Variants in TMIGD3 observed in about 807,000 individuals in gnomAD.
The protein encoded by TMIGD3 is AD026 protein (AD026).
Under a neutral mutation model 28.1 loss-of-function variants are expected in TMIGD3, and 21 were observed. That is an observed-to-expected ratio of 0.75 (90% CI 0.53 to 1.08). TMIGD3 has a LOEUF of 1.08. Ranked by LOEUF, TMIGD3 falls within the 50% of genes least tolerant of loss-of-function variation. The pLI is 0.00. For missense variants in TMIGD3, 416 were observed against 435.6 expected, an observed-to-expected ratio of 0.96 and a Z score of 0.40; for synonymous variants, 151 against 162.1, an observed-to-expected ratio of 0.93 and a Z score of 0.52.
chr1:111,507,975 C>T (rs1028817730), upstream of TMIGD3, among the ~76,000 whole-genome samples: 1 of 152,242 alleles, frequency 6.6e-6, no homozygotes, highest in African/African-American at 2.4e-5. Flanking sequence ...TCTGTCCACA[C>T]GGGCCTTCTA....
chr1:111,530,075 G>A (rs540046040), intron 1 of TMIGD3, among the ~76,000 whole-genome samples: 11 of 151,958 alleles, frequency 7.2e-5, no homozygotes, highest in East Asian at 2.0e-4. Context: ...AGGGGCGGCC[G>A]GGCAGAGGCG....
intron 1 of TMIGD3, among the ~76,000 whole-genome samples, chr1:111,512,137 C>T (rs1655710331): frequency 6.6e-6 from 1 of 152,266 alleles, no homozygotes; most frequent in African/African-American, 2.4e-5. Context: ...GCTGACCCTT[C>T]CTTCTTCATC....
At chr1:111,553,941 G>C (rs1433317004) in intron 1 of TMIGD3, among the ~76,000 whole-genome samples, 1 of 152,176 alleles carries the variant, frequency 6.6e-6, no homozygotes. Flanking sequence ...TTTTCTAGTG[G>C]TTCCATATGG....
intron 1 of TMIGD3, among the ~76,000 whole-genome samples, chr1:111,548,470 A>T (rs995918291): frequency 6.6e-6 from 1 of 152,178 alleles, no homozygotes; most frequent in Admixed American, 6.5e-5. Context: ...TTCCTTTGAA[A>T]GCTCTGCTCT....
chr1:111,485,518 C>A (rs916508870), intron 5 of TMIGD3: 21 of 472,306 alleles, frequency 4.4e-5, no homozygotes, highest in African/African-American at 4.2e-4. Flanking sequence ...CTGACCTACA[C>A]ATGTATCCAC....
intron 1 of TMIGD3, among the ~76,000 whole-genome samples, chr1:111,530,395 A>G (rs1228680083): frequency 1.3e-5 from 2 of 152,068 alleles, no homozygotes; most frequent in African/African-American, 4.8e-5. Context: ...TTACCTATAT[A>G]TTTACCATTT....
At chr1:111,519,537 C>T (rs367572269) in intron 1 of TMIGD3, among the ~76,000 whole-genome samples, 78 of 152,232 alleles carry the variant, frequency 5.1e-4, no homozygotes, top group Middle Eastern at 3.4e-3. Context: ...GCCTGTGACA[C>T]GGAGAGATGT....
chr1:111,538,182 T>C (rs936011913), intron 1 of TMIGD3, among the ~76,000 whole-genome samples: 10 of 152,156 alleles, frequency 6.6e-5, no homozygotes, highest in African/African-American at 2.4e-4. Flanking sequence ...AAAACACAAT[T>C]TGTGCCTCTG....
chr1:111,483,671 T>C lies in TMIGD3; in HGVS notation c.*16A>G, dbSNP rs765581435. ...TTGTAGCATCACTTTATGAACTAAA[T>C]TAAAAAAATCTTCAGTCACATCTGT... is the stretch of plus-strand genomic sequence containing the variant. On this transcript the variant is annotated 3_prime_UTR_variant, in exon 6 of 6. Transcript: ENST00000369716. 18 of 1,600,414 alleles carry C rather than the reference T, an allele frequency of 1.1e-5. No homozygotes were observed. Among genetic ancestry groups the C allele is most frequent in the Non-Finnish European group, 1.5e-5 (17 of 1,167,822 alleles).
intron 1 of TMIGD3, among the ~76,000 whole-genome samples, chr1:111,552,547 T>C (rs2800900): frequency 0.97 from 147,426 of 152,312 alleles, 71,484 homozygotes; most frequent in Non-Finnish European, 1. Context: ...ACAGAGACCA[T>C]AATTCACCAT....
intron 1 of TMIGD3, among the ~76,000 whole-genome samples, chr1:111,495,659 C>T (rs1277580198): frequency 6.6e-6 from 1 of 152,162 alleles, no homozygotes; most frequent in Non-Finnish European, 1.5e-5. Context: ...CCCAGCAATC[C>T]CATTACTGGG....
intron 1 of TMIGD3, among the ~76,000 whole-genome samples, chr1:111,542,725 CTCACCCTG>C (rs1656883556): frequency 6.6e-6 from 1 of 151,498 alleles, no homozygotes. Context: ...GAGATGGAGT[CTCACCCTG>C]TCACCCAGGC....
intron 1 of TMIGD3, among the ~76,000 whole-genome samples, chr1:111,496,552 G>C (rs1162819285): frequency 1.3e-5 from 2 of 152,136 alleles, no homozygotes; most frequent in African/African-American, 4.8e-5. Flanking sequence ...TCAAACTAGG[G>C]ATTTTCCACT....
intron 1 of TMIGD3, among the ~76,000 whole-genome samples, chr1:111,545,573 T>C (rs949123844): frequency 5.9e-5 from 9 of 152,170 alleles, no homozygotes; most frequent in African/African-American, 2.2e-4. Flanking sequence ...TTCTCTGGTT[T>C]GTACTTTTAC....
At chr1:111,542,290 G>T in intron 1 of TMIGD3, 1 of 552,166 alleles carries the variant, frequency 1.8e-6, no homozygotes, top group South Asian at 1.4e-5. Flanking sequence ...CTGCCGGTTC[G>T]AACACACGCG....
intron 1 of TMIGD3, among the ~76,000 whole-genome samples, chr1:111,493,249 G>A (rs551737835): frequency 6.9e-4 from 105 of 152,248 alleles, no homozygotes; most frequent in African/African-American, 2.4e-3. Flanking sequence ...GTGGGGTCTC[G>A]TGGGAAGTGT....
At position 111,490,302 on chromosome 1, in the gene TMIGD3, G is replaced by C. The variant is rs186350844; in HGVS notation, c.457+354C>G. ...AGAGCTCTCGTTTTATTTTATTCCAGTGGAGATGCTGGGGAAAAATATGGA... is the reference window on the plus strand; with the variant it reads ...AGAGCTCTCGTTTTATTTTATTCCACTGGAGATGCTGGGGAAAAATATGGA... On this transcript the variant is annotated intron_variant, in intron 2 of 5. Transcript: ENST00000369716. 6.3e-5 allele frequency: 13 copies of C among 205,958 alleles called. No individual in the cohort carries two copies. In the East Asian group the frequency reaches 1.6e-3, roughly 26 times the overall value. 12.8% of individuals were successfully genotyped at this position (205,958 alleles called of 1,614,324 possible).
intron 1 of TMIGD3, among the ~76,000 whole-genome samples, chr1:111,556,768 T>C (rs1571464711): frequency 6.6e-6 from 1 of 152,118 alleles, no homozygotes; most frequent in African/African-American, 2.4e-5. Flanking sequence ...GTTTAATGGG[T>C]ATAAAGCTTT....
At chr1:111,505,017 C>A, upstream of TMIGD3, 2 of 984,544 alleles carry the variant, frequency 2.0e-6, no homozygotes, top group Non-Finnish European at 1.2e-6. Flanking sequence ...AAAGCTTCAT[C>A]GGCCTCCAAT....
Sources: gnomAD v4.1 joint callset for allele counts (sites outside exome capture counted in the v4.1 genomes callset) on GRCh38, gnomAD v4.1.1 for gene constraint, MANE v1.5 for transcripts, NCBI Gene and HGNC (gene_info 2026-07-23, HGNC 2026-07-21) for gene names.